Variants in NCAPG observed in about 807,000 individuals in gnomAD.
NCAPG encodes condensin complex subunit 3.
Under a neutral mutation model 113.1 loss-of-function variants are expected in NCAPG, and 69 were observed. The observed-to-expected ratio is 0.61, with a 90% CI of 0.50 to 0.75. The LOEUF is 0.75. NCAPG is among the 30% of genes least tolerant of loss of function. The pLI, the probability that NCAPG is intolerant of heterozygous loss-of-function variation, is 0.00. For missense variants in NCAPG, 1,058 were observed against 1,177.0 expected, an observed-to-expected ratio of 0.90 and a Z score of 1.48; for synonymous variants, 370 against 415.8, an observed-to-expected ratio of 0.89 and a Z score of 1.34.
intron 9 of NCAPG, among the ~76,000 whole-genome samples, chr4:17,824,248 T>G (rs1721568431): frequency 6.6e-6 from 1 of 152,182 alleles, no homozygotes; most frequent in Non-Finnish European, 1.5e-5. Context: ...TCTGTATTGC[T>G]TGATAAATAC....
intron 1 of NCAPG, 82 bp from the exon 2 acceptor site, chr4:17,812,139 T>C (rs571636181): frequency 2.0e-6 from 2 of 999,788 alleles, no homozygotes; most frequent in African/African-American, 1.6e-5. Flanking sequence ...TTATGGCTAG[T>C]GCTTTCATCA....
chr4:17,840,242 T>G (rs34518068), intron 18 of NCAPG, 33 bp downstream of exon 18: 1 of 1,492,624 alleles, frequency 6.7e-7, no homozygotes, highest in Non-Finnish European at 8.9e-7. Flanking sequence ...ATTTATAAGG[T>G]TCTGTTTTTT....
At chr4:17,840,995 T>C (rs1295280112) in intron 19 of NCAPG, among the ~76,000 whole-genome samples, 1 of 151,998 alleles carries the variant, frequency 6.6e-6, no homozygotes, top group African/African-American at 2.4e-5. Flanking sequence ...TTTATATTAG[T>C]TATTTGTGTT....
At chr4:17,816,758 G>A (rs1721228212) in intron 5 of NCAPG, among the ~76,000 whole-genome samples, 1 of 152,214 alleles carries the variant, frequency 6.6e-6, no homozygotes, top group African/African-American at 2.4e-5. Context: ...GGTATTTGGT[G>A]CTGAACCTTT....
At chr4:17,836,945 C>T (rs1350042229) in intron 14 of NCAPG, among the ~76,000 whole-genome samples, 1 of 152,150 alleles carries the variant, frequency 6.6e-6, no homozygotes, top group African/African-American at 2.4e-5. Flanking sequence ...CATGGCTAGA[C>T]TAAGCATTTG....
At position 17,843,548 on chromosome 4, in the gene NCAPG, C is replaced by A. The variant is rs1722635876; in HGVS notation, c.*123C>A. On this transcript the variant is annotated 3_prime_UTR_variant, in exon 21 of 21. Transcript: ENST00000251496. ...CTTTCTGAAGATTTTCTGCTGTGCG[C>A]TTCCACGTTACTTTGGCCTGTATTA... 1.8e-6 allele frequency: 2 copies of A among 1,097,858 alleles called. No homozygotes were observed. The highest frequency in any genetic ancestry group is 1.6e-5 in the African/African-American group (1 of 62,962). The allele number at this position is 1,097,858 out of a possible 1,614,324, so 68.0% of individuals were successfully genotyped here.
At chr4:17,832,632 TG>T (rs1560230016) in intron 13 of NCAPG, among the ~76,000 whole-genome samples, 1 of 152,124 alleles carries the variant, frequency 6.6e-6, no homozygotes, top group Non-Finnish European at 1.5e-5. Flanking sequence ...GATGGTGAGA[TG>T]GAAGTCTTTA....
At chr4:17,837,894 T>A (rs1722167679) in intron 16 of NCAPG, 93 bp downstream of exon 16, 9 of 1,349,434 alleles carry the variant, frequency 6.7e-6, no homozygotes, top group Non-Finnish European at 8.4e-6. Flanking sequence ...TGCATTTTGG[T>A]CTTTAGACTT....
At chr4:17,815,027 A>G (rs1721145714) in intron 4 of NCAPG, 29 bp downstream of exon 4, 1 of 1,611,332 alleles carries the variant, frequency 6.2e-7, no homozygotes, top group African/African-American at 1.3e-5. Flanking sequence ...TTGTGTTGGC[A>G]TATTCTTAAA....
chr4:17,831,145 C>T, intron 13 of NCAPG, 29 bp downstream of exon 13: 1 of 1,606,102 alleles, frequency 6.2e-7, no homozygotes, highest in Non-Finnish European at 8.5e-7. Context: ...TAAATCTCAA[C>T]TGTATTTCCT....
intron 14 of NCAPG, among the ~76,000 whole-genome samples, chr4:17,834,762 G>T (rs903172611): frequency 6.6e-6 from 1 of 151,960 alleles, no homozygotes; most frequent in African/African-American, 2.4e-5. Flanking sequence ...ATAGGTCCCA[G>T]TGTGTGATGT....
rs1201052186 is a variant in NCAPG, at chr4:17,833,487, TG to T, written c.1885-811del. Among the ~76,000 whole-genome samples the T allele has an allele frequency of 5.2e-3, 586 of 111,726 alleles. 4 individuals carry two copies. The highest frequency in any genetic ancestry group is 0.019 in the African/African-American group (540 of 28,312). 73.3% of individuals were successfully genotyped at this position (111,726 alleles called of 152,430 possible). On this transcript the variant is annotated intron_variant, in intron 13 of 20. Transcript: ENST00000251496. ...AAAAAAAAATATATATATATATTTT[TG>T]TTGTTGTTGTTGTTGTTGTTGTTAT...
chr4:17,834,741 C>T (rs572082719), intron 14 of NCAPG, among the ~76,000 whole-genome samples: 1 of 152,144 alleles, frequency 6.6e-6, no homozygotes, highest in African/African-American at 2.4e-5. Context: ...CCCCTACCCC[C>T]CTATCCCCTG....
At chr4:17,840,369 A>G (rs958850356) in intron 18 of NCAPG, among the ~76,000 whole-genome samples, 160 bp downstream of exon 18, 10 of 151,896 alleles carry the variant, frequency 6.6e-5, no homozygotes, top group African/African-American at 1.9e-4. Context: ...TTACTGATAA[A>G]TGTTTATTCT....
chr4:17,840,806 T>G, intron 19 of NCAPG, 113 bp downstream of exon 19: 1 of 551,672 alleles, frequency 1.8e-6, no homozygotes, highest in Non-Finnish European at 2.9e-6. Context: ...TAAAGATTTT[T>G]TTTAAAATGT....
At position 17,812,929 on chromosome 4, in the gene NCAPG, A is replaced by T. The variant is rs768357126; in HGVS notation, c.328A>T (p.Asn110Tyr). The T allele has an allele frequency of 6.2e-7, 1 of 1,613,828 alleles. No individual in the cohort carries two copies. Among genetic ancestry groups the T allele is most frequent in the Admixed American group, 1.7e-5 (1 of 59,998 alleles). Residue 110 changes from asparagine (N) to tyrosine (Y), a missense_variant, in exon 3 of 21, where the codon AAC (asparagine) becomes TAC (tyrosine). Transcript: ENST00000251496. The part of the protein sequence containing the change: ...FTFLLKSHEA[N>Y]SNAVRFRVCL... ...GTTTCTGTTTTAGTCTCATGAAGCA[A>T]ACAGCAATGCAGTGAGATTTAGAGT...
Position 17,813,150 on chromosome 4 carries a change from G to A in NCAPG, c.544+5G>A. On this transcript the variant is annotated splice_donor_5th_base_variant and intron_variant, in intron 3 of 20. Transcript: ENST00000251496. ...ATGAATGCCCAGTGGTTAATGGTGT[G>A]TGTAGTTTCCTAAATCTTTTTTCAG... 1 of 1,582,058 alleles carries A rather than the reference G, an allele frequency of 6.3e-7. No individual in the cohort carries two copies. The highest frequency in any genetic ancestry group is 8.6e-7 in the Non-Finnish European group (1 of 1,167,788).
intron 3 of NCAPG, among the ~76,000 whole-genome samples, 187 bp from the exon 4 acceptor site, chr4:17,814,666 G>A (rs1488994269): frequency 6.6e-6 from 1 of 152,082 alleles, no homozygotes; most frequent in Non-Finnish European, 1.5e-5. Flanking sequence ...GGCTGGTCTT[G>A]AACTCTTGGC....
intron 12 of NCAPG, among the ~76,000 whole-genome samples, chr4:17,830,553 CTT>C (rs770223582): frequency 3.4e-4 from 47 of 137,174 alleles, no homozygotes; most frequent in Non-Finnish European, 3.5e-4. Context: ...ACTAGTTTCA[CTT>C]TTTTTTTTTT....
Sources: allele counts gnomAD v4.1 joint callset (sites outside exome capture counted in the v4.1 genomes callset), GRCh38; gene constraint gnomAD v4.1.1; transcripts MANE v1.5; gene names NCBI Gene and HGNC (gene_info 2026-07-23, HGNC 2026-07-21).